The following SBF2 variants were observed in gnomAD, a reference collection of about 807,000 sequenced individuals.
SBF2 encodes SET binding factor 2.
Under a neutral mutation model 225.2 loss-of-function variants are expected in SBF2, and 112 were observed. That is an observed-to-expected ratio of 0.50 (90% CI 0.43 to 0.58). The LOEUF is 0.58. Ranked by LOEUF, SBF2 falls within the 20% of genes least tolerant of loss-of-function variation. SBF2 has a pLI of 0.00. For synonymous variants in SBF2, 763 were observed against 773.3 expected, an observed-to-expected ratio of 0.99 and a Z score of 0.22; for missense variants, 1,996 against 2,206.2, an observed-to-expected ratio of 0.90 and a Z score of 1.91.
chr11:10,145,922 C>T (rs975620168), intron 2 of SBF2, among the ~76,000 whole-genome samples: 1 of 152,146 alleles, frequency 6.6e-6, no homozygotes, highest in African/African-American at 2.4e-5. Context: ...CATTCCCATA[C>T]ACCAACAACA....
intron 26 of SBF2, among the ~76,000 whole-genome samples, chr11:9,837,746 CT>C (rs34863974): frequency 6.6e-6 from 1 of 150,884 alleles, no homozygotes; most frequent in East Asian, 1.9e-4. Context: ...CAGCAGAAAG[CT>C]TTTTTTTTGG....
At chr11:9,948,023 G>A (rs565294652) in intron 16 of SBF2, among the ~76,000 whole-genome samples, 229 of 152,206 alleles carry the variant, frequency 1.5e-3, no homozygotes, top group African/African-American at 5.2e-3. Flanking sequence ...AGCAAAAGGT[G>A]ACAGCAACCC....
At chr11:9,831,898 A>G (rs941838631) in intron 27 of SBF2, among the ~76,000 whole-genome samples, 3 of 152,194 alleles carry the variant, frequency 2.0e-5, no homozygotes, top group African/African-American at 7.2e-5. Flanking sequence ...GGAGAAAGAA[A>G]AAAGATTGGT....
At chr11:10,113,187 T>C (rs547450736) in intron 2 of SBF2, among the ~76,000 whole-genome samples, 1 of 152,198 alleles carries the variant, frequency 6.6e-6, no homozygotes, top group African/African-American at 2.4e-5. Flanking sequence ...AGAGACAGGG[T>C]CTCACTATGT....
chr11:9,919,576 A>G (rs1484998239), intron 16 of SBF2, among the ~76,000 whole-genome samples: 1 of 152,122 alleles, frequency 6.6e-6, no homozygotes, highest in Non-Finnish European at 1.5e-5. Context: ...ATTAGGTCGT[A>G]ACAAAACAGG....
chr11:10,063,852 CACACACAG>C (rs1950534537), intron 2 of SBF2, among the ~76,000 whole-genome samples: 1 of 132,548 alleles, frequency 7.5e-6, no homozygotes, highest in South Asian at 2.4e-4. Context: ...CACACACACA[CACACACAG>C]AGAGAGAGAG....
Position 10,026,820 on chromosome 11 carries a change from A to C in SBF2, c.619+1632T>G, listed in dbSNP as rs17357710. Reference sequence around the variant, plus strand: ...AGATGTTCTTTGGAGACATGCCACCAGGAAGGGATTATGTACGTCATATTA... The same window carrying C: ...AGATGTTCTTTGGAGACATGCCACCCGGAAGGGATTATGTACGTCATATTA... On this transcript the variant is annotated intron_variant, in intron 6 of 39. Coordinates refer to ENST00000256190, the MANE Select transcript of SBF2 (RefSeq NM_030962.4). Among the ~76,000 whole-genome samples, 167 of 152,190 alleles carry C rather than the reference A, an allele frequency of 1.1e-3. 3 individuals carry two copies. The East Asian group carries it at 0.024, about 21-fold the overall frequency.
chr11:9,826,194 C>T (rs908060690), intron 28 of SBF2, among the ~76,000 whole-genome samples: 7 of 152,144 alleles, frequency 4.6e-5, no homozygotes, highest in African/African-American at 1.7e-4. Context: ...AACAATAGCA[C>T]ATGTGAAGCA....
intron 28 of SBF2, among the ~76,000 whole-genome samples, chr11:9,824,851 A>G (rs1007261753): frequency 2.6e-5 from 4 of 152,206 alleles, no homozygotes; most frequent in Admixed American, 2.6e-4. Context: ...CATATGGTAA[A>G]TAAAGCAGTA....
chr11:9,839,650 G>A lies in SBF2; in HGVS notation c.3303C>T (p.Ser1101=), dbSNP rs531651423. Residue 1101 remains serine (S), a synonymous_variant, in exon 26 of 40, where the codon TCC becomes TCT. Transcript: ENST00000256190. ...CCAACTGTTCCATTGTAGACTTCTC[G>A]GAGGCCTTCAGGGTGGTACTTGTGG... The part of the protein sequence containing the change: ...ELPTSTTLKA[S]EKSTMEQLVE... 6.2e-6 allele frequency: 10 copies of A among 1,614,158 alleles called. No homozygotes were observed. The highest frequency in any genetic ancestry group is 1.3e-5 in the African/African-American group (1 of 75,046).
At chr11:9,916,421 T>TA (rs1294411048) in intron 16 of SBF2, among the ~76,000 whole-genome samples, 4 of 152,294 alleles carry the variant, frequency 2.6e-5, no homozygotes, top group African/African-American at 9.6e-5. Context: ...TTGCACACAA[T>TA]GAATGAAATA....
chr11:10,098,499 T>C (rs942532578), intron 2 of SBF2, among the ~76,000 whole-genome samples: 3 of 148,384 alleles, frequency 2.0e-5, no homozygotes, highest in Non-Finnish European at 3.0e-5. Flanking sequence ...CAAAGAAATA[T>C]GATACCACCA....
At chr11:10,070,923 T>C (rs1038632411) in intron 2 of SBF2, among the ~76,000 whole-genome samples, 7 of 152,150 alleles carry the variant, frequency 4.6e-5, no homozygotes, top group African/African-American at 1.7e-4. Context: ...TTTGTAGCAA[T>C]TGTGAATGGG....
chr11:9,853,715 AAGAC>A lies in SBF2; in HGVS notation c.2364-7_2364-4del. 1 of 1,613,612 alleles carries A rather than the reference AAGAC, an allele frequency of 6.2e-7. No homozygotes were observed. Reference sequence around the variant, plus strand: ...TCTCAGCTACACTTCCTGCAATACTAAGACAGTCAAGGAAAGAAATCATGGTCAG... The same window carrying A: ...TCTCAGCTACACTTCCTGCAATACTAAGTCAAGGAAAGAAATCATGGTCAG... On this transcript the variant is annotated splice_polypyrimidine_tract_variant and splice_region_variant and intron_variant, in intron 19 of 39. Coordinates refer to ENST00000256190, the MANE Select transcript of SBF2 (RefSeq NM_030962.4).
chr11:10,077,697 G>A (rs751074305), intron 2 of SBF2, among the ~76,000 whole-genome samples: 48 of 152,192 alleles, frequency 3.2e-4, no homozygotes, highest in Non-Finnish European at 2.9e-4. Context: ...AGAAGAAAAC[G>A]TAGGCAATAC....
At chr11:10,118,287 TG>T (rs1487086413) in intron 2 of SBF2, among the ~76,000 whole-genome samples, 2 of 152,228 alleles carry the variant, frequency 1.3e-5, no homozygotes, top group Non-Finnish European at 2.9e-5. Context: ...ATGTCCTTCC[TG>T]GAAGTTCTTT....
intron 2 of SBF2, among the ~76,000 whole-genome samples, chr11:10,119,174 G>A (rs1319280777): frequency 6.6e-6 from 1 of 152,020 alleles, no homozygotes; most frequent in Admixed American, 6.6e-5. Context: ...ATTTTACTAA[G>A]TCTGCCACTT....
At chr11:10,017,880 T>C (rs1395934241) in intron 6 of SBF2, among the ~76,000 whole-genome samples, 1 of 152,162 alleles carries the variant, frequency 6.6e-6, no homozygotes, top group Non-Finnish European at 1.5e-5. Context: ...TGCAGCATCT[T>C]TACTTCCTTC....
intron 1 of SBF2, among the ~76,000 whole-genome samples, chr11:10,194,210 A>T (rs1213786028): frequency 6.6e-6 from 1 of 152,228 alleles, no homozygotes; most frequent in Non-Finnish European, 1.5e-5. Context: ...CCAACCATGA[A>T]TTGAAAATAT....
Sources: gnomAD v4.1 joint callset for allele counts (sites outside exome capture counted in the v4.1 genomes callset) on GRCh38, gnomAD v4.1.1 for gene constraint, MANE v1.5 for transcripts, NCBI Gene and HGNC (gene_info 2026-07-23, HGNC 2026-07-21) for gene names.